Variants in DMD observed in about 807,000 individuals in gnomAD.
The protein encoded by DMD is dystrophin, also known as mutant dystrophin.
Under a neutral mutation model 330.1 loss-of-function variants are expected in DMD, and 63 were observed. The observed-to-expected ratio is 0.19, with a 90% confidence interval of 0.16 to 0.24. The LOEUF is 0.24. Ranked by LOEUF, DMD falls within the 10% of genes least tolerant of loss-of-function variation. The pLI, the probability that DMD is intolerant of heterozygous loss-of-function variation, is 1.00. For synonymous variants in DMD, 1,223 were observed against 959.8 expected (o/e 1.27, Z -5.07); for missense variants, 3,344 against 2,684.1 (o/e 1.25, Z -5.43).
At chrX:32,681,170 C>T (rs1308118336) in intron 9 of DMD, among the ~76,000 whole-genome samples, 1 of 111,387 alleles carries the variant, frequency 9.0e-6, no homozygotes, top group East Asian at 2.8e-4. Flanking sequence ...TCATGTCCCA[C>T]CTAAAGTATT....
At chrX:31,734,035 T>A (rs2086693376) in intron 51 of DMD, among the ~76,000 whole-genome samples, 1 of 111,458 alleles carries the variant, frequency 9.0e-6, no homozygotes, top group Admixed American at 9.6e-5. Flanking sequence ...AAATACTTTA[T>A]AAGATGCATT....
At chrX:32,401,328 T>C (rs749211786) in intron 30 of DMD, among the ~76,000 whole-genome samples, 4 of 101,801 alleles carry the variant, frequency 3.9e-5, no homozygotes, top group Admixed American at 2.0e-4. Context: ...ACTTAAAGTA[T>C]AATAATAAAA....
intron 54 of DMD, among the ~76,000 whole-genome samples, chrX:31,649,209 T>C (rs1235484713): frequency 2.7e-5 from 3 of 111,547 alleles, no homozygotes; most frequent in African/African-American, 9.8e-5. Context: ...ATGGTAAGTT[T>C]TCGATAATAC....
chrX:32,765,596 G>A (rs1318600167), intron 7 of DMD, among the ~76,000 whole-genome samples: 1 of 111,858 alleles, frequency 8.9e-6, no homozygotes, highest in African/African-American at 3.2e-5. Flanking sequence ...TCTTGGCACA[G>A]TCTGGATATT....
intron 44 of DMD, 163 bp downstream of exon 44, chrX:32,216,753 T>C: frequency 8.1e-6 from 4 of 494,040 alleles, no homozygotes; most frequent in South Asian, 3.2e-5. Context: ...AGCACCGTGC[T>C]CTAATATTAT....
Position 32,430,630 on chromosome X carries a change from A to G in DMD, c.4071+7611T>C, listed in dbSNP as rs184576930. ...TAAGTAAATAGACTAACTATAGGCA[A>G]TATGCTTTACAGTAGATCTCTAGGA... On this transcript the variant is annotated intron_variant, in intron 29 of 78. Transcript: ENST00000357033. 8.0e-5 allele frequency among the ~76,000 whole-genome samples: 9 copies of G among 111,885 alleles called. No homozygotes were observed. The East Asian group carries it at 2.5e-3, about 31-fold the overall frequency.
In DMD at chrX:32,698,004, G is replaced by T; in HGVS notation, c.832-6C>A. ...TGTGCTAGACTGACCGTGATCTGCA[G>T]AGAAGGGTTTGGGGGAGTGGATAGA... is the stretch of plus-strand genomic sequence containing the variant. On this transcript the variant is annotated splice_polypyrimidine_tract_variant and splice_region_variant and intron_variant, in intron 8 of 78. Transcript: ENST00000357033. 1 of 1,188,908 alleles carries T rather than the reference G, an allele frequency of 8.4e-7. No individual in the cohort carries two copies. The highest frequency in any genetic ancestry group is 3.0e-5 in the East Asian group (1 of 32,809).
intron 63 of DMD, among the ~76,000 whole-genome samples, chrX:31,233,038 C>T (rs745440982): frequency 1.2e-4 from 13 of 111,736 alleles, no homozygotes; most frequent in East Asian, 5.6e-4. Flanking sequence ...AATTATCATC[C>T]CTATATATCA....
At chrX:31,963,396 G>C (rs1050922124) in intron 45 of DMD, among the ~76,000 whole-genome samples, 1 of 111,877 alleles carries the variant, frequency 8.9e-6, no homozygotes, top group Admixed American at 9.5e-5. Context: ...CTTAATGACC[G>C]TACATGAAGT....
At chrX:32,737,662 T>G (rs942767053) in intron 7 of DMD, among the ~76,000 whole-genome samples, 16 of 112,061 alleles carry the variant, frequency 1.4e-4, no homozygotes, top group African/African-American at 4.2e-4. Flanking sequence ...TTTTTCTTTT[T>G]GCTGCTTCAC....
At chrX:31,387,430 C>T (rs1016248432) in intron 60 of DMD, among the ~76,000 whole-genome samples, 1 of 110,213 alleles carries the variant, frequency 9.1e-6, no homozygotes, top group African/African-American at 3.3e-5. Context: ...GACAGAGTCT[C>T]GCTCTGTCAC....
chrX:32,563,901 G>C (rs6653876), intron 16 of DMD, among the ~76,000 whole-genome samples: 2,038 of 111,388 alleles, frequency 0.018, 59 homozygotes, highest in African/African-American at 0.063. Flanking sequence ...ACATATGAAG[G>C]TTTGTTACAT....
At chrX:32,926,987 A>G (rs2089089350) in intron 2 of DMD, among the ~76,000 whole-genome samples, 1 of 111,649 alleles carries the variant, frequency 9.0e-6, no homozygotes, top group African/African-American at 3.3e-5. Flanking sequence ...TAAACATGGC[A>G]TCATCTGCAG....
At chrX:33,055,424 G>T (rs1049752103) in intron 1 of DMD, among the ~76,000 whole-genome samples, 1 of 111,928 alleles carries the variant, frequency 8.9e-6, no homozygotes, top group African/African-American at 3.2e-5. Flanking sequence ...TAACAAGTCG[G>T]TAGGAGATTA....
chrX:33,065,966 T>C (rs1237853935), intron 1 of DMD, among the ~76,000 whole-genome samples: 2 of 110,613 alleles, frequency 1.8e-5, no homozygotes, highest in African/African-American at 6.6e-5. Flanking sequence ...GCAGGAAACA[T>C]TTCTCACTCT....
intron 43 of DMD, among the ~76,000 whole-genome samples, chrX:32,252,745 AAT>A (rs1350528287): frequency 0.14 from 5,300 of 37,958 alleles, 565 homozygotes; most frequent in Admixed American, 0.22. Flanking sequence ...TATATATATA[AAT>A]ATATATAAAT....
chrX:33,337,700 G>A (rs758418126), intron 1 of DMD, among the ~76,000 whole-genome samples: 26 of 111,971 alleles, frequency 2.3e-4, no homozygotes, highest in Non-Finnish European at 3.8e-4. Flanking sequence ...CAATTATTTT[G>A]GAGAAATCCT....
chrX:32,269,987 T>A (rs2097359574), intron 43 of DMD, among the ~76,000 whole-genome samples: 1 of 112,416 alleles, frequency 8.9e-6, no homozygotes, highest in African/African-American at 3.2e-5. Context: ...TTACCACAGC[T>A]AGACAGAGAC....
chrX:33,080,825 A>C (rs1022289523), intron 1 of DMD, among the ~76,000 whole-genome samples: 5 of 112,300 alleles, frequency 4.5e-5, no homozygotes, highest in African/African-American at 1.6e-4. Flanking sequence ...TTTTACTTTA[A>C]CAATAATCTT....
Sources: gnomAD v4.1 joint callset for allele counts (sites outside exome capture counted in the v4.1 genomes callset) on GRCh38, gnomAD v4.1.1 for gene constraint, MANE v1.5 for transcripts, NCBI Gene and HGNC (gene_info 2026-07-23, HGNC 2026-07-21) for gene names.